Variants in ARRB1 observed in about 807,000 individuals in gnomAD.
ARRB1 encodes the protein arrestin beta 1, also known as beta-arrestin-1.
A neutral mutation model predicts 56.8 loss-of-function variants in ARRB1; 21 were observed. The ratio of observed to expected loss-of-function variants is 0.37; its 90% CI spans 0.26 to 0.53. The LOEUF (loss-of-function observed/expected upper bound fraction) is 0.53, where lower values mean the gene tolerates loss of function less well. ARRB1 is among the 20% of genes least tolerant of loss of function. ARRB1 has a pLI of 0.88. For synonymous variants in ARRB1, 210 were observed against 218.6 expected (o/e 0.96, Z 0.35); for missense variants, 424 against 553.7 (o/e 0.77, Z 2.35).
intron 1 of ARRB1, among the ~76,000 whole-genome samples, chr11:75,337,622 T>A (rs1947626411): frequency 6.6e-6 from 1 of 151,886 alleles, no homozygotes; most frequent in Non-Finnish European, 1.5e-5. Context: ...AACTGACTTG[T>A]TAGCAGTCAA....
At chr11:75,320,662 C>T (rs1383188594) in intron 1 of ARRB1, among the ~76,000 whole-genome samples, 1 of 152,206 alleles carries the variant, frequency 6.6e-6, no homozygotes, top group African/African-American at 2.4e-5. Context: ...ACTCAAGTAC[C>T]CAACTCTTCC....
At chr11:75,322,707 T>C (rs1299978783) in intron 1 of ARRB1, among the ~76,000 whole-genome samples, 3 of 152,150 alleles carry the variant, frequency 2.0e-5, no homozygotes, top group Admixed American at 6.5e-5. Flanking sequence ...ATTGACACAA[T>C]GCAGTCATGC....
At chr11:75,302,195 G>C (rs1485464585) in intron 1 of ARRB1, among the ~76,000 whole-genome samples, 1 of 152,218 alleles carries the variant, frequency 6.6e-6, no homozygotes, top group Non-Finnish European at 1.5e-5. Flanking sequence ...GGTGGTGGCT[G>C]GGGAGTGAGG....
intron 1 of ARRB1, among the ~76,000 whole-genome samples, chr11:75,330,955 T>G (rs960875982): frequency 6.6e-6 from 1 of 152,232 alleles, no homozygotes; most frequent in Non-Finnish European, 1.5e-5. Flanking sequence ...CACTGGTACC[T>G]GGTGACACAG....
intron 1 of ARRB1, chr11:75,312,150 C>T (rs1358745550): frequency 1.6e-6 from 2 of 1,289,382 alleles, no homozygotes; most frequent in Admixed American, 4.6e-5. Flanking sequence ...CTTCTCCTTC[C>T]TCCACCCTCG....
chr11:75,277,298 G>C, intron 9 of ARRB1, 66 bp downstream of exon 9: 2 of 1,493,132 alleles, frequency 1.3e-6, no homozygotes, highest in East Asian at 2.3e-5. Context: ...AGATACTTCA[G>C]CCACCCCCAG....
chr11:75,293,633 A>G (rs545650609), intron 1 of ARRB1, among the ~76,000 whole-genome samples: 3 of 152,272 alleles, frequency 2.0e-5, no homozygotes, highest in African/African-American at 2.4e-5. Context: ...CTGGGTGCCT[A>G]TAAGAGAAAT....
At chr11:75,329,480 T>C (rs1469908336) in intron 1 of ARRB1, among the ~76,000 whole-genome samples, 1 of 152,156 alleles carries the variant, frequency 6.6e-6, no homozygotes, top group Admixed American at 6.5e-5. Context: ...GAATTCCAGA[T>C]TCTAGGGTGG....
At position 75,283,457 on chromosome 11, in the gene ARRB1, G is replaced by A. The variant is rs781177417; in HGVS notation, c.184C>T (p.Arg62Cys). The change falls in exon 5 of 16, where the codon CGC becomes TGC. Residue 62 changes from arginine (R) to cysteine (C), a missense_variant. Around this residue, in one of 3 missense-constraint regions of ARRB1, gnomAD observed 301 missense variants for 387.9 expected, o/e 0.78. Coordinates refer to ENST00000420843, the MANE Select transcript of ARRB1 (RefSeq NM_004041.5). ...RVYVTLTCAF[R>C]YGREDLDVLG... is the part of the protein sequence containing the mutation. ...ACATCCAGGTCCTCCCGGCCATAGC[G>A]GAAGGCGCAGGTCAGCGTCACATAG... is the stretch of plus-strand genomic sequence containing the variant. 4.3e-6 allele frequency: 7 copies of A among 1,613,196 alleles called. No individual in the cohort carries two copies. In the South Asian group the frequency reaches 5.5e-5, roughly 13 times the overall value.
At chr11:75,323,285 G>A (rs2140497721) in intron 1 of ARRB1, among the ~76,000 whole-genome samples, 1 of 152,308 alleles carries the variant, frequency 6.6e-6, no homozygotes, top group South Asian at 2.1e-4. Context: ...TGGGTGATTT[G>A]TTATGTAGCA....
At chr11:75,332,782 C>T (rs1947541841) in intron 1 of ARRB1, among the ~76,000 whole-genome samples, 1 of 152,122 alleles carries the variant, frequency 6.6e-6, no homozygotes, top group Non-Finnish European at 1.5e-5. Context: ...GTAGTCCCAG[C>T]TACTCAGGAG....
intron 1 of ARRB1, among the ~76,000 whole-genome samples, chr11:75,343,329 T>A (rs2134998110): frequency 6.6e-6 from 1 of 152,170 alleles, no homozygotes; most frequent in Non-Finnish European, 1.5e-5. Context: ...TTGTATGTGG[T>A]CAAGTCAGCA....
intron 1 of ARRB1, among the ~76,000 whole-genome samples, chr11:75,310,586 G>A (rs540257046): frequency 6.6e-6 from 1 of 152,104 alleles, no homozygotes; most frequent in Non-Finnish European, 1.5e-5. Flanking sequence ...ATGAGCTTAC[G>A]GAATGTGCTT....
chr11:75,298,942 T>C (rs1468944677), intron 1 of ARRB1, among the ~76,000 whole-genome samples: 1 of 151,516 alleles, frequency 6.6e-6, no homozygotes, highest in African/African-American at 2.4e-5. Context: ...ATTATGTTAA[T>C]TTAACATAAT....
intron 1 of ARRB1, among the ~76,000 whole-genome samples, chr11:75,336,208 A>G (rs1398066597): frequency 6.6e-6 from 1 of 152,204 alleles, no homozygotes; most frequent in Non-Finnish European, 1.5e-5. Flanking sequence ...AGGGCTCAAT[A>G]TATTTAATAG....
At chr11:75,322,919 T>C (rs937831538) in intron 1 of ARRB1, among the ~76,000 whole-genome samples, 1 of 152,208 alleles carries the variant, frequency 6.6e-6, no homozygotes, top group African/African-American at 2.4e-5. Context: ...GTCTACTTCC[T>C]GGGTTGTTGT....
intron 1 of ARRB1, among the ~76,000 whole-genome samples, chr11:75,306,043 C>T (rs611908): frequency 0.32 from 49,029 of 151,936 alleles, 8,116 homozygotes; most frequent in East Asian, 0.4. Flanking sequence ...CACCCCGACA[C>T]CACACTGCAA....
intron 8 of ARRB1, among the ~76,000 whole-genome samples, chr11:75,277,903 G>A (rs1946236025): frequency 6.6e-6 from 1 of 152,236 alleles, no homozygotes; most frequent in Admixed American, 6.5e-5. Flanking sequence ...GGTTATCTAA[G>A]CCTCAGGGTC....
At chr11:75,284,329 A>G in intron 3 of ARRB1, 50 bp from the exon 4 acceptor site, 2 of 1,540,638 alleles carry the variant, frequency 1.3e-6, no homozygotes, top group South Asian at 1.2e-5. Context: ...GGTCTCCCAA[A>G]CCTCTGTGCC....
Sources: allele counts gnomAD v4.1 joint callset (sites outside exome capture counted in the v4.1 genomes callset), GRCh38; gene constraint gnomAD v4.1.1; regional missense constraint gnomAD v4.1.1; transcripts MANE v1.5; gene names NCBI Gene and HGNC (gene_info 2026-07-23, HGNC 2026-07-21).